OPA1: variants seen among roughly 807,000 people sequenced by gnomAD.
The protein encoded by OPA1 is OPA1 mitochondrial dynamin like GTPase.
OPA1 carries 59 observed loss-of-function variants against 152.9 expected under a neutral mutation model. The observed-to-expected ratio is 0.39, with a 90% CI of 0.31 to 0.48. OPA1 has a LOEUF of 0.48. Ranked by LOEUF, OPA1 falls within the 20% of genes least tolerant of loss-of-function variation. The pLI is 0.96. For synonymous variants in OPA1, 400 were observed against 389.9 expected, an observed-to-expected ratio of 1.03 and a Z score of -0.31; for missense variants, 1,008 against 1,216.8, an observed-to-expected ratio of 0.83 and a Z score of 2.55.
At chr3:193,653,370 A>C (rs1712997698) in intron 21 of OPA1, among the ~76,000 whole-genome samples, 1 of 152,168 alleles carries the variant, frequency 6.6e-6, no homozygotes, top group African/African-American at 2.4e-5. Flanking sequence ...TCACCAGAGA[A>C]GTTCAGCTGG....
chr3:193,682,054 G>C (rs1720228380), intron 29 of OPA1, among the ~76,000 whole-genome samples: 1 of 152,202 alleles, frequency 6.6e-6, no homozygotes, highest in African/African-American at 2.4e-5. Flanking sequence ...TGGGCTATTA[G>C]CCAAATTGTG....
At position 193,645,870 on chromosome 3, in the gene OPA1, T is replaced by A. The variant is rs573820526; in HGVS notation, c.1754+70T>A. ...TAGCTTAAATTGAACTGTTTTCACT[T>A]AAAACATCAGGTTTTATAACTATTA... On this transcript the variant is annotated intron_variant, in intron 18 of 30. Coordinates refer to ENST00000361510, the MANE Select transcript of OPA1 (RefSeq NM_130837.3). 7.5e-5 allele frequency: 90 copies of A among 1,201,292 alleles called. 3 individuals are homozygous for A. In the South Asian group the frequency reaches 9.0e-4, roughly 12 times the overall value. 74.4% of individuals were successfully genotyped at this position (1,201,292 alleles called of 1,614,324 possible). A position where few individuals can be genotyped will look rare whatever the true frequency, so the allele number is the denominator to read the frequency against.
At chr3:193,598,781 T>A (rs1001291289) in intron 1 of OPA1, among the ~76,000 whole-genome samples, 1 of 152,216 alleles carries the variant, frequency 6.6e-6, no homozygotes, top group Non-Finnish European at 1.5e-5. Context: ...ATTAAGAAAC[T>A]AAGGCTTTAG....
chr3:193,650,115 G>A (rs1712026644), intron 21 of OPA1, among the ~76,000 whole-genome samples: 1 of 152,192 alleles, frequency 6.6e-6, no homozygotes, highest in Non-Finnish European at 1.5e-5. Context: ...TGTTTGGACA[G>A]AGCAACCCTG....
intron 1 of OPA1, among the ~76,000 whole-genome samples, chr3:193,606,093 G>A (rs1727222511): frequency 6.6e-6 from 1 of 152,134 alleles, no homozygotes; most frequent in African/African-American, 2.4e-5. Flanking sequence ...CCCTCTAGTG[G>A]TGAAACAGTT....
intron 21 of OPA1, among the ~76,000 whole-genome samples, chr3:193,651,216 A>G (rs1394476313): frequency 6.6e-6 from 1 of 152,174 alleles, no homozygotes; most frequent in Non-Finnish European, 1.5e-5. Flanking sequence ...TCAGGTTTGC[A>G]TTTTAGAAAG....
At chr3:193,600,814 C>G (rs373197523) in intron 1 of OPA1, among the ~76,000 whole-genome samples, 52 of 152,232 alleles carry the variant, frequency 3.4e-4, no homozygotes, top group African/African-American at 1.2e-3. Context: ...AGGATGCCTG[C>G]AAACCAACTG....
intron 30 of OPA1, among the ~76,000 whole-genome samples, chr3:193,692,665 T>G (rs1721843375): frequency 6.6e-6 from 1 of 152,242 alleles, no homozygotes; most frequent in African/African-American, 2.4e-5. Context: ...TGATTCTGCT[T>G]TCTGGCATTA....
At chr3:193,668,638 A>G (rs1717231070) in intron 29 of OPA1, 9 of 1,519,750 alleles carry the variant, frequency 5.9e-6, no homozygotes, top group Non-Finnish European at 8.0e-6. Context: ...TCCTGCACAG[A>G]TACTCTCCTC....
chr3:193,618,669 G>A, intron 5 of OPA1, 200 bp from the exon 6 acceptor site: 1 of 560,936 alleles, frequency 1.8e-6, no homozygotes, highest in Non-Finnish European at 3.2e-6. Flanking sequence ...TGCTGCGATT[G>A]CTATAGTTAG....
At chr3:193,651,130 T>G (rs1179589445) in intron 21 of OPA1, among the ~76,000 whole-genome samples, 6 of 152,040 alleles carry the variant, frequency 3.9e-5, no homozygotes, top group Admixed American at 3.9e-4. Flanking sequence ...AAATATTGGG[T>G]TTATTAACCA....
chr3:193,593,582 C>T (rs1724997054), intron 1 of OPA1, among the ~76,000 whole-genome samples, 173 bp downstream of exon 1: 1 of 152,230 alleles, frequency 6.6e-6, no homozygotes, highest in Admixed American at 6.5e-5. Flanking sequence ...GCTGGGCTTA[C>T]GTTCGGAGCC....
intron 6 of OPA1, chr3:193,624,255 G>T (rs1436305658): frequency 2.6e-5 from 4 of 152,148 alleles, no homozygotes; most frequent in Non-Finnish European, 5.9e-5. Context: ...TGAACTCTTT[G>T]TTCTACTCTT....
chr3:193,668,242 A>G (rs1016193495), intron 29 of OPA1: 2 of 1,048,912 alleles, frequency 1.9e-6, no homozygotes, highest in East Asian at 2.6e-5. Flanking sequence ...TATCCTTAAT[A>G]TATTTTCATA....
At chr3:193,614,220 AG>A (rs1477993260) in intron 1 of OPA1, among the ~76,000 whole-genome samples, 5 of 152,250 alleles carry the variant, frequency 3.3e-5, no homozygotes, top group Admixed American at 6.5e-5. Flanking sequence ...ACATAGATGA[AG>A]GTGTTCTAAA....
At chr3:193,670,883 G>A (rs1045965503) in intron 29 of OPA1, among the ~76,000 whole-genome samples, 2 of 152,194 alleles carry the variant, frequency 1.3e-5, no homozygotes, top group African/African-American at 4.8e-5. Flanking sequence ...GCAGGGAAAG[G>A]ACAGGATGAG....
intron 29 of OPA1, among the ~76,000 whole-genome samples, chr3:193,673,755 T>A (rs1219919929): frequency 6.6e-6 from 1 of 152,254 alleles, no homozygotes; most frequent in African/African-American, 2.4e-5. Context: ...AAGATATACT[T>A]TAGTAGACTG....
chr3:193,686,248 G>A (rs763519088), intron 29 of OPA1, among the ~76,000 whole-genome samples: 17 of 152,164 alleles, frequency 1.1e-4, no homozygotes, highest in Non-Finnish European at 2.1e-4. Flanking sequence ...TTGAGTTTTT[G>A]AAGTAGTGAA....
rs376022570 is a variant in OPA1 at position 193,635,527 on chromosome 3, T to G, written c.948+5T>G. On this transcript the variant is annotated splice_donor_5th_base_variant and intron_variant, in intron 9 of 30. Coordinates refer to ENST00000361510, the MANE Select transcript of OPA1 (RefSeq NM_130837.3). ...ATTCATCATAGAAAGCTTAAGGTAT[T>G]CTAAGTTTGTCTTGTTTATTCTCAA... is the stretch of plus-strand genomic sequence containing the variant. 6.5e-6 allele frequency: 10 copies of G among 1,537,330 alleles called. No individual in the cohort carries two copies. Among genetic ancestry groups the G allele is most frequent in the Non-Finnish European group, 9.0e-6 (10 of 1,110,438 alleles).
Sources: allele counts gnomAD v4.1 joint callset (sites outside exome capture counted in the v4.1 genomes callset), GRCh38; gene constraint gnomAD v4.1.1; transcripts MANE v1.5; gene names NCBI Gene and HGNC (gene_info 2026-07-23, HGNC 2026-07-21).